The following IMMP2L variants were observed in gnomAD, a reference collection of about 807,000 sequenced individuals.
IMMP2L encodes the protein inner mitochondrial membrane peptidase subunit 2, also known as mitochondrial inner membrane protease subunit 2.
Under a neutral mutation model 19.3 loss-of-function variants are expected in IMMP2L, and 18 were observed. That is an observed-to-expected ratio of 0.93 (90% CI 0.64 to 1.38). The LOEUF (loss-of-function observed/expected upper bound fraction) is 1.38, where lower values mean the gene tolerates loss of function less well. Among genes scored for constraint, IMMP2L ranks in the 40% most tolerant of loss-of-function variants. The pLI is 0.00. For synonymous variants in IMMP2L, 76 were observed against 73.0 expected (o/e 1.04, Z -0.21); for missense variants, 233 against 218.2 (o/e 1.07, Z -0.43).
At chr7:111,545,757 A>G (rs1848874124) in intron 1 of IMMP2L, among the ~76,000 whole-genome samples, 1 of 152,298 alleles carries the variant, frequency 6.6e-6, no homozygotes, top group Non-Finnish European at 1.5e-5. Context: ...TGTAATGCAG[A>G]AGTACATTTT....
intron 5 of IMMP2L, among the ~76,000 whole-genome samples, chr7:110,824,990 A>C (rs1803342228): frequency 6.6e-6 from 1 of 152,136 alleles, no homozygotes; most frequent in African/African-American, 2.4e-5. Context: ...ACTTCAGCAA[A>C]GTCTCAGGAT....
intron 3 of IMMP2L, among the ~76,000 whole-genome samples, chr7:111,459,789 C>T (rs996210204): frequency 2.0e-5 from 3 of 152,078 alleles, no homozygotes; most frequent in Non-Finnish European, 2.9e-5. Flanking sequence ...CAGAAATTCA[C>T]CGGGAACTCC....
chr7:111,540,542 A>G (rs1447204960), intron 1 of IMMP2L, among the ~76,000 whole-genome samples: 46 of 152,168 alleles, frequency 3.0e-4, no homozygotes, highest in Non-Finnish European at 7.4e-5. Context: ...GAAACCCTAT[A>G]TTAGCACTGT....
At chr7:111,334,306 A>C (rs759919476) in intron 3 of IMMP2L, among the ~76,000 whole-genome samples, 11 of 151,962 alleles carry the variant, frequency 7.2e-5, no homozygotes, top group Non-Finnish European at 1.5e-4. Flanking sequence ...ATGAATGTGA[A>C]CATGTTATAT....
intron 3 of IMMP2L, among the ~76,000 whole-genome samples, chr7:111,255,846 A>G (rs1390643841): frequency 6.6e-6 from 1 of 152,078 alleles, no homozygotes; most frequent in Non-Finnish European, 1.5e-5. Flanking sequence ...CTTTCCAAGA[A>G]AAGGTTATCT....
chr7:111,033,066 G>A (rs1276979947), intron 3 of IMMP2L, among the ~76,000 whole-genome samples: 1 of 152,176 alleles, frequency 6.6e-6, no homozygotes, highest in African/African-American at 2.4e-5. Context: ...GCTGCAGTGA[G>A]CTGAGATCGT....
intron 4 of IMMP2L, among the ~76,000 whole-genome samples, chr7:110,895,374 C>A (rs575348827): frequency 2.6e-5 from 4 of 152,262 alleles, no homozygotes; most frequent in African/African-American, 9.6e-5. Flanking sequence ...TTTTTCTAGA[C>A]TCTATTTTGT....
chr7:111,495,854 T>A (rs957510205), intron 2 of IMMP2L, among the ~76,000 whole-genome samples: 3 of 152,160 alleles, frequency 2.0e-5, no homozygotes, highest in Admixed American at 1.3e-4. Context: ...TTCAGGCTTA[T>A]AAAAAGCACC....
intron 5 of IMMP2L, among the ~76,000 whole-genome samples, chr7:110,712,999 C>T (rs1208578169): frequency 1.3e-5 from 2 of 152,104 alleles, no homozygotes; most frequent in East Asian, 1.9e-4. Context: ...AGCTGTAGAC[C>T]GGAGCTGTTC....
intron 3 of IMMP2L, among the ~76,000 whole-genome samples, chr7:110,989,211 G>A (rs1003337702): frequency 7.9e-5 from 12 of 152,016 alleles, no homozygotes; most frequent in Admixed American, 6.6e-5. Context: ...CTCCAGCCTG[G>A]GCAACAAGAG....
At chr7:110,731,458 A>C (rs1449923194) in intron 5 of IMMP2L, among the ~76,000 whole-genome samples, 1 of 152,166 alleles carries the variant, frequency 6.6e-6, no homozygotes, top group Non-Finnish European at 1.5e-5. Context: ...TCATAATAAT[A>C]GTGGAGGATA....
chr7:110,760,196 C>T lies in IMMP2L; in HGVS notation c.409-96475G>A, dbSNP rs1457921938. On this transcript the variant is annotated intron_variant, in intron 5 of 5. Transcript: ENST00000405709. This position sits in a 1 kb window ranked among gnomAD's most constrained non-coding sequence, Gnocchi z 4.2. ...TTGAGAATTCAGTCTCAATTCTCCA[C>T]GTCCAGGCCTAAGATAGTATCATTC... 1.3e-5 allele frequency among the ~76,000 whole-genome samples: 2 copies of T among 152,080 alleles called. No homozygotes were observed. Among genetic ancestry groups the T allele is most frequent in the Admixed American group, 6.6e-5 (1 of 15,242 alleles).
intron 3 of IMMP2L, among the ~76,000 whole-genome samples, chr7:111,136,223 T>C (rs1416331934): frequency 6.6e-6 from 1 of 152,248 alleles, no homozygotes; most frequent in South Asian, 2.1e-4. Flanking sequence ...AGACAGGGTT[T>C]CACCATCTTG....
chr7:110,697,141 A>G (rs1204278235), intron 5 of IMMP2L, among the ~76,000 whole-genome samples: 1 of 152,166 alleles, frequency 6.6e-6, no homozygotes, highest in Admixed American at 6.5e-5. Flanking sequence ...TGAGGTACCT[A>G]GACTCACAAT....
intron 3 of IMMP2L, among the ~76,000 whole-genome samples, chr7:111,106,728 C>T (rs1463133291): frequency 6.8e-6 from 1 of 147,738 alleles, no homozygotes; most frequent in Non-Finnish European, 1.5e-5. Context: ...ACTGCCCTTA[C>T]AGATCTTGCA....
intron 3 of IMMP2L, among the ~76,000 whole-genome samples, chr7:111,166,217 C>T (rs1015706736): frequency 6.6e-6 from 1 of 151,866 alleles, no homozygotes; most frequent in African/African-American, 2.4e-5. Flanking sequence ...CAAAACCTGA[C>T]TCTAACCCAG....
intron 3 of IMMP2L, among the ~76,000 whole-genome samples, chr7:111,290,068 G>A (rs1820922234): frequency 6.6e-6 from 1 of 152,096 alleles, no homozygotes; most frequent in Non-Finnish European, 1.5e-5. Flanking sequence ...TTATCTGGTA[G>A]TGTCTTCTCC....
At chr7:111,088,735 T>C (rs1184492574) in intron 3 of IMMP2L, among the ~76,000 whole-genome samples, 1 of 152,170 alleles carries the variant, frequency 6.6e-6, no homozygotes, top group Non-Finnish European at 1.5e-5. Flanking sequence ...TGGTACTTCA[T>C]TATATAGATG....
chr7:110,897,954 T>C (rs1290324894), intron 4 of IMMP2L, among the ~76,000 whole-genome samples: 1 of 151,858 alleles, frequency 6.6e-6, no homozygotes, highest in African/African-American at 2.4e-5. Context: ...CAAGGGGTTG[T>C]TGACATGGGT....
Sources: gnomAD v4.1 joint callset for allele counts (sites outside exome capture counted in the v4.1 genomes callset) on GRCh38, gnomAD v4.1.1 for gene constraint, Gnocchi (gnomAD v3.1) non-coding constraint, MANE v1.5 for transcripts, NCBI Gene and HGNC (gene_info 2026-07-23, HGNC 2026-07-21) for gene names.